The following KIF1C variants were observed in gnomAD, a reference collection of about 807,000 sequenced individuals.
KIF1C encodes the protein kinesin-like protein KIF1C.
Under a neutral mutation model 126.5 loss-of-function variants are expected in KIF1C, and 61 were observed. The observed-to-expected ratio is 0.48, with a 90% CI of 0.39 to 0.60. The LOEUF (loss-of-function observed/expected upper bound fraction) is 0.60. KIF1C is among the 20% of genes least tolerant of loss of function. The pLI, the probability that KIF1C is intolerant of heterozygous loss-of-function variation, is 0.00. For synonymous variants in KIF1C, 640 were observed against 580.6 expected (o/e 1.10, Z -1.47); for missense variants, 1,315 against 1,489.2 (o/e 0.88, Z 1.93).
Position 5,022,055 on chromosome 17 carries a change from C to A in KIF1C, c.2011-37C>A. ...CCAAGACACATGGGCTCTGGATGTC[C>A]TTAGCCCTCTCTTCCTCTTTCTTTC... On this transcript the variant is annotated intron_variant, in intron 21 of 22. Coordinates refer to ENST00000320785, the MANE Select transcript of KIF1C (RefSeq NM_006612.6). This position sits in a 1 kb window ranked among gnomAD's most constrained non-coding sequence, Gnocchi z 4.9. 6.4e-7 allele frequency: 1 copy of A among 1,563,586 alleles called. No individual in the cohort carries two copies. Among genetic ancestry groups the A allele is most frequent in the South Asian group, 1.2e-5 (1 of 83,532 alleles).
rs1328393413 is a variant in KIF1C, at chr17:5,006,525, G to A, written c.1166-390G>A. Among the ~76,000 whole-genome samples, 6 of 149,302 alleles carry A rather than the reference G, an allele frequency of 4.0e-5. No individual in the cohort carries two copies. The East Asian group carries it at 6.1e-4, about 15-fold the overall frequency. ...CTAATTTTTGTATTTTAGTAGAGAC[G>A]GGGTTTCACCATGTTGGCCAGGCTG... is the stretch of plus-strand genomic sequence containing the variant. On this transcript the variant is annotated intron_variant, in intron 13 of 22. Coordinates refer to ENST00000320785, the MANE Select transcript of KIF1C (RefSeq NM_006612.6).
chr17:5,019,030 G>C (rs886784836), intron 18 of KIF1C, among the ~76,000 whole-genome samples: 2 of 152,034 alleles, frequency 1.3e-5, no homozygotes, highest in African/African-American at 4.8e-5. Flanking sequence ...CCACCGTGAT[G>C]CCCTTGGCTG....
At position 5,023,898 on chromosome 17, in the gene KIF1C, C is replaced by T; in HGVS notation, c.3059C>T (p.Pro1020Leu). Residue 1020 changes from proline (P) to leucine (L), a missense_variant, in exon 23 of 23, where the codon CCT becomes CTT. Around this residue, in one of 2 missense-constraint regions of KIF1C, gnomAD observed 441 missense variants for 436.1 expected, o/e 1.01. Transcript: ENST00000320785. The surrounding 1 kb of genome is among the most constrained non-coding windows in gnomAD (Gnocchi z 4.2). Reference sequence around the variant, plus strand: ...CATCCAGCCACCCCTGCCCGCCGGCCTCCGAGTCCCCGAAGGTCCCACCAT... The same window carrying T: ...CATCCAGCCACCCCTGCCCGCCGGCTTCCGAGTCCCCGAAGGTCCCACCAT... Reference protein sequence around the residue: ...TPHPATPARRPPSPRRSHHPR... With the variant: ...TPHPATPARRLPSPRRSHHPR... The T allele has an allele frequency of 1.3e-6, 2 of 1,551,430 alleles. No homozygotes were observed. Among genetic ancestry groups the T allele is most frequent in the Non-Finnish European group, 1.7e-6 (2 of 1,148,514 alleles).
intron 1 of KIF1C, among the ~76,000 whole-genome samples, chr17:4,999,246 A>G (rs1974498947): frequency 6.6e-6 from 1 of 152,288 alleles, no homozygotes; most frequent in South Asian, 2.1e-4. Flanking sequence ...GCCCATCTGC[A>G]CTACTGGCCT....
At chr17:5,006,516 A>G (rs1974738209) in intron 13 of KIF1C, among the ~76,000 whole-genome samples, 1 of 151,138 alleles carries the variant, frequency 6.6e-6, no homozygotes, top group South Asian at 2.1e-4. Flanking sequence ...TTTGTATTTT[A>G]GTAGAGACGG....
chr17:5,001,466 A>C, intron 5 of KIF1C, 65 bp downstream of exon 5: 1 of 1,489,010 alleles, frequency 6.7e-7, no homozygotes, highest in Non-Finnish European at 9.3e-7. Context: ...TGAGGAAGGA[A>C]GGACTAGGGT....
At chr17:5,001,522 G>T in intron 5 of KIF1C, 121 bp downstream of exon 5, 2 of 993,632 alleles carry the variant, frequency 2.0e-6, no homozygotes, top group South Asian at 1.6e-5. Flanking sequence ...CATTGGTGAT[G>T]GGAGATAGAG....
At chr17:5,012,856 A>G (rs1420809201) in intron 16 of KIF1C, among the ~76,000 whole-genome samples, 1 of 152,180 alleles carries the variant, frequency 6.6e-6, no homozygotes, top group Admixed American at 6.5e-5. Flanking sequence ...TTATAATGGA[A>G]ACAAGTCAGG....
At chr17:5,019,257 ACT>A (rs1292905655) in intron 18 of KIF1C, 2 of 167,680 alleles carry the variant, frequency 1.2e-5, no homozygotes, top group East Asian at 3.8e-4. Context: ...CCTTCTAACC[ACT>A]CTTCATTCAG....
chr17:5,009,325 G>A (rs1027365674), intron 16 of KIF1C, among the ~76,000 whole-genome samples: 5 of 151,712 alleles, frequency 3.3e-5, no homozygotes, highest in African/African-American at 7.3e-5. Flanking sequence ...GATTACAGGC[G>A]CACACCATCA....
chr17:5,000,560 C>G (rs1375667783), intron 3 of KIF1C, among the ~76,000 whole-genome samples: 1 of 150,640 alleles, frequency 6.6e-6, no homozygotes, highest in Non-Finnish European at 1.5e-5. Context: ...CTCCATTGCC[C>G]AATCCAGGGA....
At chr17:5,019,701 A>G (rs1383086394) in intron 18 of KIF1C, 1 of 427,750 alleles carries the variant, frequency 2.3e-6, no homozygotes, top group Non-Finnish European at 4.5e-6. Flanking sequence ...ATGAGGAATG[A>G]ATCCTTTTGA....
chr17:5,011,424 C>T (rs1195410503), intron 16 of KIF1C: 1 of 152,216 alleles, frequency 6.6e-6, no homozygotes, highest in Non-Finnish European at 1.5e-5. Flanking sequence ...GCTCTCACCC[C>T]CAGCCTGGGC....
At position 5,000,270 on chromosome 17, in the gene KIF1C, G is replaced by A. The variant is rs752665571; in HGVS notation, c.24G>A (p.Val8=). The change falls in exon 3 of 23, where the codon GTG becomes GTA. Residue 8 remains valine (V), a synonymous_variant. Transcript: ENST00000320785. The part of the protein sequence containing the change: MAGASVK[V]AVRVRPFNAR... The stretch of plus-strand genomic sequence containing the variant: ...CTATGGCTGGTGCCTCGGTGAAAGT[G>A]GCAGTGAGGGTTCGGCCCTTTAACG... 23 of 1,580,472 alleles carry A rather than the reference G, an allele frequency of 1.5e-5. No individual in the cohort carries two copies.
rs1490580001 is a variant in KIF1C, at chr17:5,023,376, ATCCAGCCAC to A, written c.2629-86_2629-78del. 2 of 1,091,230 alleles carry A rather than the reference ATCCAGCCAC, an allele frequency of 1.8e-6. No homozygotes were observed. The highest frequency in any genetic ancestry group is 2.7e-6 in the Non-Finnish European group (2 of 746,876). 67.6% of individuals were successfully genotyped at this position (1,091,230 alleles called of 1,614,324 possible). On this transcript the variant is annotated intron_variant, in intron 22 of 22. Transcript: ENST00000320785. The surrounding 1 kb of genome is among the most constrained non-coding windows in gnomAD (Gnocchi z 4.2). ...TAGGCTTTTCTCTGGACCCTTTGAC[ATCCAGCCAC>A]TCCAGGTCCCTCTTGAATCCACATG...
chr17:5,016,160 T>TG (rs1974967448), intron 18 of KIF1C, among the ~76,000 whole-genome samples: 4 of 148,958 alleles, frequency 2.7e-5, no homozygotes, highest in African/African-American at 9.9e-5. Context: ...TTTTTTGAGA[T>TG]GGAGTCTCGC....
At position 4,999,976 on chromosome 17, in the gene KIF1C, TG is replaced by T; in HGVS notation, c.-28+11del. ...GTCTGGGGCCAGGACGCCAGGTAAC[TG>T]GGGGAGACCGCCCAGGTTCCTGCAA... is the stretch of plus-strand genomic sequence containing the variant. On this transcript the variant is annotated splice_region_variant and intron_variant, in intron 2 of 22. Transcript: ENST00000320785. 2.2e-6 allele frequency: 1 copy of T among 463,592 alleles called. No homozygotes were observed. The highest frequency in any genetic ancestry group is 3.9e-6 in the Non-Finnish European group (1 of 253,182). The allele number at this position is 463,592 out of a possible 1,614,324, so 28.7% of individuals were successfully genotyped here. A position where few individuals can be genotyped will look rare whatever the true frequency, so the allele number is the denominator to read the frequency against.
At chr17:5,012,451 G>A (rs1351226625) in intron 16 of KIF1C, among the ~76,000 whole-genome samples, 1 of 152,126 alleles carries the variant, frequency 6.6e-6, no homozygotes, top group Admixed American at 6.6e-5. Flanking sequence ...GTGCTCAGGG[G>A]TCCGCTGAGT....
At chr17:5,005,071 C>G in intron 13 of KIF1C, 71 bp downstream of exon 13, 1 of 1,596,066 alleles carries the variant, frequency 6.3e-7, no homozygotes, top group South Asian at 1.1e-5. Context: ...CTTGCCTTTG[C>G]CCAGTCCTGG....
Sources: allele counts gnomAD v4.1 joint callset (sites outside exome capture counted in the v4.1 genomes callset), GRCh38; gene constraint gnomAD v4.1.1; regional missense constraint gnomAD v4.1.1; non-coding constraint Gnocchi (gnomAD v3.1); transcripts MANE v1.5; gene names NCBI Gene and HGNC (gene_info 2026-07-23, HGNC 2026-07-21).